Variants in NTNG1 observed in about 807,000 individuals in gnomAD.
NTNG1 encodes netrin G1.
Under a neutral mutation model 54.0 loss-of-function variants are expected in NTNG1, and 16 were observed. That is an observed-to-expected ratio of 0.30 (90% confidence interval 0.20 to 0.45). The LOEUF (loss-of-function observed/expected upper bound fraction) is 0.45, where lower values mean the gene tolerates loss of function less well. NTNG1 is among the 20% of genes least tolerant of loss of function. The pLI, the probability that NTNG1 is intolerant of heterozygous loss-of-function variation, is 1.00. For synonymous variants in NTNG1, 255 were observed against 263.1 expected, an observed-to-expected ratio of 0.97 and a Z score of 0.30; for missense variants, 530 against 678.7, an observed-to-expected ratio of 0.78 and a Z score of 2.43.
chr1:107,229,921 T>G (rs1660956044), intron 2 of NTNG1, among the ~76,000 whole-genome samples: 1 of 152,134 alleles, frequency 6.6e-6, no homozygotes, highest in African/African-American at 2.4e-5. Context: ...GTTGCTCTGC[T>G]TTGTAATCTC....
At chr1:107,425,418 A>G (rs1239641228) in intron 5 of NTNG1, among the ~76,000 whole-genome samples, 1 of 151,982 alleles carries the variant, frequency 6.6e-6, no homozygotes, top group African/African-American at 2.4e-5. Flanking sequence ...CCACTTATAC[A>G]TAAGAACATG....
chr1:107,430,984 GA>G, intron 6 of NTNG1, 67 bp downstream of exon 6: 1 of 1,501,782 alleles, frequency 6.7e-7, no homozygotes, highest in Non-Finnish European at 9.1e-7. Flanking sequence ...ATTTAGGGTG[GA>G]GAGGCTGGCG....
chr1:107,344,347 T>C (rs1669094316), intron 3 of NTNG1, among the ~76,000 whole-genome samples: 1 of 152,238 alleles, frequency 6.6e-6, no homozygotes, highest in East Asian at 1.9e-4. Flanking sequence ...CTTTTTTTGT[T>C]TGTTGTTTTG....
intron 2 of NTNG1, among the ~76,000 whole-genome samples, chr1:107,268,093 T>G (rs1663875002): frequency 6.6e-6 from 1 of 152,206 alleles, no homozygotes; most frequent in South Asian, 2.1e-4. Context: ...TTTTATAACA[T>G]CATTTCTGCA....
chr1:107,393,002 G>GA (rs1161394602), intron 3 of NTNG1, among the ~76,000 whole-genome samples: 2 of 152,142 alleles, frequency 1.3e-5, no homozygotes, highest in East Asian at 3.9e-4. Flanking sequence ...AGAAATCTGA[G>GA]AAAAAATAAG....
At chr1:107,424,105 C>T (rs139017535) in intron 5 of NTNG1, among the ~76,000 whole-genome samples, 1 of 151,876 alleles carries the variant, frequency 6.6e-6, no homozygotes, top group African/African-American at 2.4e-5. Context: ...ATTATAAATT[C>T]TATGAAAAAA....
At chr1:107,311,941 G>T (rs1331859929) in intron 2 of NTNG1, among the ~76,000 whole-genome samples, 1 of 152,130 alleles carries the variant, frequency 6.6e-6, no homozygotes, top group Non-Finnish European at 1.5e-5. Flanking sequence ...ACTTGCAGAG[G>T]CTATTCTTGA....
chr1:107,162,011 T>C (rs1331265948), intron 2 of NTNG1, among the ~76,000 whole-genome samples: 1 of 152,264 alleles, frequency 6.6e-6, no homozygotes. Context: ...TTGATCTATA[T>C]GATCATGTTA....
chr1:107,407,586 C>T, intron 4 of NTNG1, 96 bp from the exon 5 acceptor site: 1 of 949,102 alleles, frequency 1.1e-6, no homozygotes, highest in Non-Finnish European at 1.6e-6. Context: ...TGAATATTAT[C>T]AAGTGTCAAG....
chr1:107,443,396 C>CTTTTTTTCT (rs1676100579), intron 7 of NTNG1, among the ~76,000 whole-genome samples: 2 of 151,664 alleles, frequency 1.3e-5, no homozygotes, highest in South Asian at 4.2e-4. Context: ...AGGAGGTTTT[C>CTTTTTTTCT]TTTTTTTCTT....
chr1:107,246,555 G>A lies in NTNG1; in HGVS notation c.247-77727G>A, dbSNP rs185867054. On this transcript the variant is annotated intron_variant, in intron 2 of 7. Coordinates refer to ENST00000370068, the MANE Select transcript of NTNG1 (RefSeq NM_001113226.3). ...TGATGTAGTAGTCATAATCGTGAGTGGCTGGGTTTCCATTTGATTTTTCTC... is the reference window on the plus strand; with the variant it reads ...TGATGTAGTAGTCATAATCGTGAGTAGCTGGGTTTCCATTTGATTTTTCTC... Among the ~76,000 whole-genome samples, 4 of 152,082 alleles carry A rather than the reference G, an allele frequency of 2.6e-5. No individual in the cohort carries two copies. In the East Asian group the frequency reaches 5.8e-4, roughly 22 times the overall value.
Position 107,324,500 on chromosome 1 carries a change from G to A in NTNG1, c.465G>A (p.Gly155=). ...ACATAGTTATTACCTTTGAATCTGG[G>A]CGTCCAGACCAAATGATCCTGGAGA... is the stretch of plus-strand genomic sequence containing the variant. ...TDNIVITFES[G]RPDQMILEKS... Residue 155 remains glycine, a synonymous_variant, in exon 3 of 8, where the codon GGG becomes GGA. Transcript: ENST00000370068. 1 of 1,613,726 alleles carries A rather than the reference G, an allele frequency of 6.2e-7. No homozygotes were observed. Among genetic ancestry groups the A allele is most frequent in the Non-Finnish European group, 8.5e-7 (1 of 1,179,838 alleles).
intron 2 of NTNG1, among the ~76,000 whole-genome samples, chr1:107,273,209 G>T (rs1664256225): frequency 6.6e-6 from 1 of 152,158 alleles, no homozygotes; most frequent in South Asian, 2.1e-4. Flanking sequence ...TGTGGCAGGG[G>T]TCGCTGAGCA....
intron 7 of NTNG1, among the ~76,000 whole-genome samples, chr1:107,469,669 G>C (rs535793816): frequency 1.3e-5 from 2 of 152,016 alleles, no homozygotes; most frequent in South Asian, 4.2e-4. Flanking sequence ...ATGTTGGCTG[G>C]TCTTGAACTC....
chr1:107,468,271 C>T (rs978338717), intron 7 of NTNG1, among the ~76,000 whole-genome samples: 2 of 152,158 alleles, frequency 1.3e-5, no homozygotes, highest in Admixed American at 6.5e-5. Flanking sequence ...TCTAAGGAGA[C>T]GTTTGGCTAT....
intron 2 of NTNG1, among the ~76,000 whole-genome samples, chr1:107,274,908 T>G (rs1160384009): frequency 6.6e-6 from 1 of 152,216 alleles, no homozygotes; most frequent in Non-Finnish European, 1.5e-5. Context: ...CTGACCACCC[T>G]TTCACCACTT....
intron 2 of NTNG1, among the ~76,000 whole-genome samples, chr1:107,174,307 G>A (rs1201327933): frequency 6.6e-6 from 1 of 152,066 alleles, no homozygotes; most frequent in African/African-American, 2.4e-5. Context: ...TATTGTTGAT[G>A]TTTGAGCTGA....
intron 1 of NTNG1, among the ~76,000 whole-genome samples, chr1:107,143,641 A>G (rs1653902463): frequency 1.3e-5 from 2 of 152,164 alleles, no homozygotes; most frequent in Admixed American, 1.3e-4. Flanking sequence ...TATGAGATTT[A>G]GCATACTTTA....
At chr1:107,408,326 C>T (rs551402568) in intron 5 of NTNG1, 1 of 157,564 alleles carries the variant, frequency 6.3e-6, no homozygotes, top group African/African-American at 2.4e-5. Context: ...GTCTTCTTGA[C>T]TACTTAGCTT....
Sources: allele counts gnomAD v4.1 joint callset (sites outside exome capture counted in the v4.1 genomes callset), GRCh38; gene constraint gnomAD v4.1.1; transcripts MANE v1.5; gene names NCBI Gene and HGNC (gene_info 2026-07-23, HGNC 2026-07-21).